AAK1: variants seen among roughly 807,000 people sequenced by gnomAD.
AAK1 encodes the protein AP2-associated protein kinase 1.
A neutral mutation model predicts 116.0 loss-of-function variants in AAK1; 37 were observed. The observed-to-expected ratio is 0.32, with a 90% confidence interval of 0.25 to 0.42. The LOEUF is 0.42. Ranked by LOEUF, AAK1 falls within the 10% of genes least tolerant of loss-of-function variation. The pLI, the probability that AAK1 is intolerant of heterozygous loss-of-function variation, is 1.00. For synonymous variants in AAK1, 458 were observed against 439.9 expected (o/e 1.04, Z -0.51); for missense variants, 919 against 1,170.6 (o/e 0.79, Z 3.14).
intron 2 of AAK1, among the ~76,000 whole-genome samples, chr2:69,576,052 AAAG>A (rs1254572724): frequency 6.6e-6 from 1 of 152,184 alleles, no homozygotes; most frequent in African/African-American, 2.4e-5. Flanking sequence ...AACAGGAACA[AAAG>A]AAGAATGAAA....
intron 5 of AAK1, among the ~76,000 whole-genome samples, chr2:69,537,349 G>C (rs1670517475): frequency 6.6e-6 from 1 of 152,212 alleles, no homozygotes; most frequent in African/African-American, 2.4e-5. Context: ...ACCACTTTCA[G>C]TTTATTTCCT....
chr2:69,471,042 A>G lies in AAK1; in HGVS notation c.*4827T>C, dbSNP rs1674659107. On this transcript the variant is annotated 3_prime_UTR_variant, in exon 22 of 22. Coordinates refer to ENST00000409085, the MANE Select transcript of AAK1 (RefSeq NM_014911.5). The stretch of plus-strand genomic sequence containing the variant: ...AAATTTCACGTTTTTACTGCATAAG[A>G]TATCTTCATGTACAACTGTATGCTT... 1 of 985,808 alleles carries G rather than the reference A, an allele frequency of 1.0e-6. No homozygotes were observed. The highest frequency in any genetic ancestry group is 1.2e-6 in the Non-Finnish European group (1 of 829,916). The allele number at this position is 985,808 out of a possible 1,614,324, so 61.1% of individuals were successfully genotyped here.
At chr2:69,526,287 T>C (rs965009547) in intron 9 of AAK1, among the ~76,000 whole-genome samples, 11 of 152,196 alleles carry the variant, frequency 7.2e-5, no homozygotes, top group African/African-American at 2.7e-4. Flanking sequence ...GAGCTCCACA[T>C]GGATGAACCC....
At chr2:69,597,344 T>TCTGGACAGCCCCAGCTCC (rs1673345651) in intron 2 of AAK1, 2 of 153,110 alleles carry the variant, frequency 1.3e-5, no homozygotes, top group African/African-American at 4.8e-5. Context: ...GCTCCGGCTC[T>TCTGGACAGCCCCAGCTCC]CTGGACAGCC....
chr2:69,594,651 A>G, intron 2 of AAK1: 1 of 544,398 alleles, frequency 1.8e-6, no homozygotes, highest in South Asian at 2.1e-5. Context: ...CCAGGTTGTG[A>G]ATGCAAAGAA....
intron 16 of AAK1, among the ~76,000 whole-genome samples, chr2:69,500,688 T>TACACAC (rs1395816083): frequency 1.6e-4 from 18 of 112,158 alleles, no homozygotes; most frequent in African/African-American, 7.1e-4. Context: ...TATATATATA[T>TACACAC]ATATATATAT....
At chr2:69,629,350 AT>A (rs1488629393) in intron 2 of AAK1, among the ~76,000 whole-genome samples, 1 of 152,194 alleles carries the variant, frequency 6.6e-6, no homozygotes, top group Non-Finnish European at 1.5e-5. Context: ...ACATGAGCTA[AT>A]TGTCTCCATC....
chr2:69,488,184 G>C lies in AAK1; in HGVS notation c.2366-5372C>G, dbSNP rs1055429864. Among the ~76,000 whole-genome samples the C allele has an allele frequency of 6.6e-5, 10 of 151,462 alleles. No individual in the cohort carries two copies. In the East Asian group the frequency reaches 1.9e-3, roughly 29 times the overall value. On this transcript the variant is annotated intron_variant, in intron 17 of 21. Coordinates refer to ENST00000409085, the MANE Select transcript of AAK1 (RefSeq NM_014911.5). ...TGTGTGTGTGTGTGTGTGTGTTTGA[G>C]GGAGGGGAACAAAAGTTGAATAACT...
In AAK1 at chr2:69,475,926, G is replaced by C. The variant is rs1674838875; in HGVS notation, c.2829C>G (p.Ser943=). The C allele has an allele frequency of 6.2e-7, 1 of 1,612,428 alleles. No homozygotes were observed. Residue 943 remains serine, a synonymous_variant, in exon 22 of 22, where the codon TCC becomes TCG. Coordinates refer to ENST00000409085, the MANE Select transcript of AAK1 (RefSeq NM_014911.5). ...AAGACCTGGCTAGGTTGGGAAGACT[G>C]GACTCAGAGCTCCCACTGCTGTTTC... The part of the protein sequence containing the change: ...HSRNSSGSSE[S]SLPNLARSLL...
chr2:69,478,516 G>A (rs1178688278), intron 20 of AAK1: 2 of 176,178 alleles, frequency 1.1e-5, no homozygotes, highest in South Asian at 1.4e-4. Flanking sequence ...GCAGTGGTGC[G>A]ATCATGGCTC....
intron 2 of AAK1, among the ~76,000 whole-genome samples, chr2:69,579,243 T>C (rs1672443801): frequency 6.6e-6 from 1 of 152,158 alleles, no homozygotes; most frequent in Admixed American, 6.5e-5. Flanking sequence ...GATGGCACCT[T>C]GTGTGACAGC....
At chr2:69,598,510 CTTTTT>C (rs1311574986) in intron 2 of AAK1, 1 of 159,706 alleles carries the variant, frequency 6.3e-6, no homozygotes, top group Non-Finnish European at 1.4e-5. Context: ...CAAACGTTTT[CTTTTT>C]CTTTTTTTTT....
rs1252207959 is a variant in AAK1, at chr2:69,467,983, T to C, written c.*7886A>G. On this transcript the variant is annotated 3_prime_UTR_variant, in exon 22 of 22. Transcript: ENST00000409085. The stretch of plus-strand genomic sequence containing the variant: ...ATTGTTTTCAGAAACAGAACAAAAA[T>C]GTGTTTGTCCTCCATTTTTATTTTC... The C allele has an allele frequency of 8.1e-6, 8 of 985,320 alleles. No homozygotes were observed. Among genetic ancestry groups the C allele is most frequent in the African/African-American group, 3.5e-5 (2 of 57,236 alleles). The allele number at this position is 985,320 out of a possible 1,614,324, so 61.0% of individuals were successfully genotyped here.
rs1674760635 is a variant in AAK1 at position 69,473,893 on chromosome 2, C to T, written c.*1976G>A. ...TGTCCATAAAGGGGTAAACCAAGTC[C>T]TATTTTCACTGCTATCCAACCACAG... On this transcript the variant is annotated 3_prime_UTR_variant, in exon 22 of 22. Transcript: ENST00000409085. 2.0e-6 allele frequency: 2 copies of T among 985,692 alleles called. No homozygotes were observed. The highest frequency in any genetic ancestry group is 3.5e-5 in the African/African-American group (2 of 57,232). 61.1% of individuals were successfully genotyped at this position (985,692 alleles called of 1,614,324 possible).
chr2:69,512,536 G>A (rs1676431247), intron 13 of AAK1, among the ~76,000 whole-genome samples: 1 of 152,174 alleles, frequency 6.6e-6, no homozygotes, highest in African/African-American at 2.4e-5. Flanking sequence ...AGGGCAAATG[G>A]CCATTTCCCC....
intron 2 of AAK1, among the ~76,000 whole-genome samples, chr2:69,561,139 A>C (rs1346641148): frequency 6.6e-6 from 1 of 152,224 alleles, no homozygotes; most frequent in Non-Finnish European, 1.5e-5. Flanking sequence ...CAGAGGCCAA[A>C]GAAAACACAT....
intron 16 of AAK1, among the ~76,000 whole-genome samples, chr2:69,498,065 C>T (rs1354053588): frequency 2.9e-5 from 4 of 137,328 alleles, no homozygotes; most frequent in Admixed American, 7.4e-5. Context: ...CTTTTCATCT[C>T]GCTCCCTGGA....
chr2:69,577,574 T>C (rs939219733), intron 2 of AAK1, among the ~76,000 whole-genome samples: 8 of 152,184 alleles, frequency 5.3e-5, no homozygotes, highest in African/African-American at 1.9e-4. Context: ...GAACTACTGG[T>C]ACACAGTGGA....
At chr2:69,626,492 A>AATT (rs966329367) in intron 2 of AAK1, among the ~76,000 whole-genome samples, 3 of 146,540 alleles carry the variant, frequency 2.0e-5, no homozygotes, top group South Asian at 2.2e-4. Flanking sequence ...TAAATTAATT[A>AATT]ATTATTATTA....
Sources: allele counts gnomAD v4.1 joint callset (sites outside exome capture counted in the v4.1 genomes callset), GRCh38; gene constraint gnomAD v4.1.1; transcripts MANE v1.5; gene names NCBI Gene and HGNC (gene_info 2026-07-23, HGNC 2026-07-21).